The following IPO11 variants were observed in gnomAD, a reference collection of about 807,000 sequenced individuals.
IPO11 encodes importin-11.
IPO11 carries 66 observed loss-of-function variants against 143.2 expected under a neutral mutation model. The observed-to-expected ratio is 0.46, with a 90% CI of 0.38 to 0.57. IPO11 has a LOEUF of 0.57. Among genes scored for constraint, IPO11 ranks in the 20% least tolerant of loss-of-function variants. IPO11 has a pLI of 0.00. For synonymous variants in IPO11, 385 were observed against 377.8 expected (o/e 1.02, Z -0.22); for missense variants, 1,026 against 1,141.0 (o/e 0.90, Z 1.45).
intron 3 of IPO11, 27 bp from the exon 4 acceptor site, chr5:62,449,900 A>C: frequency 6.9e-7 from 1 of 1,444,754 alleles, no homozygotes; most frequent in Non-Finnish European, 9.3e-7. Context: ...ATTCTTTTGC[A>C]TAATCAATAC....
intron 1 of IPO11, among the ~76,000 whole-genome samples, chr5:62,416,442 A>G (rs1262157278): frequency 1.3e-5 from 2 of 151,852 alleles, no homozygotes; most frequent in African/African-American, 4.8e-5. Flanking sequence ...TCAGCCTCCC[A>G]AAGTGCTGGG....
intron 29 of IPO11, among the ~76,000 whole-genome samples, chr5:62,606,838 C>G (rs1054819309): frequency 1.3e-5 from 2 of 152,210 alleles, no homozygotes; most frequent in Non-Finnish European, 1.5e-5. Flanking sequence ...GCAGCTCTGG[C>G]AAGCTTGGCA....
chr5:62,579,993 TG>T, intron 27 of IPO11: 3 of 1,551,292 alleles, frequency 1.9e-6, no homozygotes, highest in Non-Finnish European at 2.6e-6. Flanking sequence ...TTCGGATACT[TG>T]ATTTATCAAA....
At chr5:62,591,759 G>T in intron 28 of IPO11, 87 bp downstream of exon 28, 1 of 764,450 alleles carries the variant, frequency 1.3e-6, no homozygotes, top group Admixed American at 3.1e-5. Flanking sequence ...CACTCTATAA[G>T]CACAGTATGA....
At chr5:62,513,256 CG>C (rs1229279117) in intron 19 of IPO11, among the ~76,000 whole-genome samples, 5 of 150,042 alleles carry the variant, frequency 3.3e-5, no homozygotes, top group African/African-American at 1.2e-4. Context: ...GGTGGCCGGG[CG>C]GGGGGCTGAC....
intron 29 of IPO11, among the ~76,000 whole-genome samples, chr5:62,611,099 A>C (rs1745912146): frequency 6.6e-6 from 1 of 152,212 alleles, no homozygotes; most frequent in African/African-American, 2.4e-5. Flanking sequence ...TGTAGGACAT[A>C]TAACTTTACC....
At chr5:62,561,486 A>G (rs1304591745) in intron 27 of IPO11, among the ~76,000 whole-genome samples, 1 of 151,792 alleles carries the variant, frequency 6.6e-6, no homozygotes, top group East Asian at 1.9e-4. Context: ...GGTTGTATTC[A>G]TTTTACAAAT....
chr5:62,497,549 C>T (rs1403272318), intron 16 of IPO11, among the ~76,000 whole-genome samples: 2 of 152,148 alleles, frequency 1.3e-5, no homozygotes, highest in Non-Finnish European at 2.9e-5. Flanking sequence ...CTCACTGCAG[C>T]CTCAACACCC....
intron 27 of IPO11, among the ~76,000 whole-genome samples, chr5:62,577,042 C>T (rs1166529637): frequency 4.6e-5 from 7 of 152,026 alleles, no homozygotes; most frequent in East Asian, 1.9e-4. Flanking sequence ...AGAGGTTGAG[C>T]GTAGTGTTCA....
intron 15 of IPO11, among the ~76,000 whole-genome samples, chr5:62,493,623 G>C (rs2112241992): frequency 6.6e-6 from 1 of 151,430 alleles, no homozygotes; most frequent in South Asian, 2.1e-4. Flanking sequence ...CTGGAGTGCA[G>C]TGGCACAATC....
At chr5:62,530,321 C>T (rs992242654) in intron 21 of IPO11, among the ~76,000 whole-genome samples, 9 of 152,150 alleles carry the variant, frequency 5.9e-5, no homozygotes, top group Admixed American at 1.3e-4. Context: ...GTCAGCCCTG[C>T]GGAACCTGTG....
chr5:62,462,110 GAGA>G (rs141574804), intron 5 of IPO11, among the ~76,000 whole-genome samples: 2,974 of 152,264 alleles, frequency 0.02, 92 homozygotes, highest in African/African-American at 0.065. Context: ...TTATTTTTGT[GAGA>G]AGTAGAGATG....
At chr5:62,440,499 C>CAGGTGGATCACCTGAGGTCAG (rs1744429648) in intron 2 of IPO11, among the ~76,000 whole-genome samples, 1 of 151,404 alleles carries the variant, frequency 6.6e-6, no homozygotes, top group African/African-American at 2.4e-5. Flanking sequence ...GGATTACAGG[C>CAGGTGGATCACCTGAGGTCAG]GCCCCCCCAC....
intron 7 of IPO11, among the ~76,000 whole-genome samples, chr5:62,472,495 A>G (rs1171952713): frequency 4.6e-5 from 7 of 152,044 alleles, no homozygotes; most frequent in Admixed American, 4.6e-4. Flanking sequence ...AAATGTTAAC[A>G]AATTAAAGAC....
At chr5:62,531,638 G>C (rs1156971000) in intron 22 of IPO11, among the ~76,000 whole-genome samples, 2 of 151,968 alleles carry the variant, frequency 1.3e-5, no homozygotes, top group Non-Finnish European at 2.9e-5. Flanking sequence ...TATAATGAAT[G>C]ACACACTGGA....
At chr5:62,451,642 A>C in intron 4 of IPO11, 88 bp from the exon 5 acceptor site, 1 of 976,840 alleles carries the variant, frequency 1.0e-6, no homozygotes, top group Non-Finnish European at 1.6e-6. Flanking sequence ...CATTTTTGTC[A>C]AGTGTATAAT....
intron 27 of IPO11, among the ~76,000 whole-genome samples, chr5:62,583,918 A>G (rs1360881581): frequency 6.6e-6 from 1 of 152,124 alleles, no homozygotes; most frequent in South Asian, 2.1e-4. Flanking sequence ...CCATTTATTA[A>G]AAGTTCTTGA....
At chr5:62,606,981 G>C (rs752207656) in intron 29 of IPO11, among the ~76,000 whole-genome samples, 13 of 152,176 alleles carry the variant, frequency 8.5e-5, no homozygotes, top group Non-Finnish European at 1.2e-4. Context: ...CATGGCTTTT[G>C]TACTGTCTTA....
intron 24 of IPO11, among the ~76,000 whole-genome samples, chr5:62,546,490 C>G (rs565200128): frequency 3.3e-5 from 5 of 152,042 alleles, no homozygotes; most frequent in African/African-American, 1.2e-4. Flanking sequence ...GGAGATATAC[C>G]TAATGTAAAT....
Sources: allele counts gnomAD v4.1 joint callset (sites outside exome capture counted in the v4.1 genomes callset), GRCh38; gene constraint gnomAD v4.1.1; transcripts MANE v1.5; gene names NCBI Gene and HGNC (gene_info 2026-07-23, HGNC 2026-07-21).